FLVCR2: variants seen among roughly 807,000 people sequenced by gnomAD.
FLVCR2 encodes FLVCR choline and putative heme transporter 2.
A neutral mutation model predicts 48.9 loss-of-function variants in FLVCR2; 38 were observed. The observed-to-expected ratio is 0.78, with a 90% CI of 0.60 to 1.02. The LOEUF is 1.02. Among genes scored for constraint, FLVCR2 ranks in the 50% least tolerant of loss-of-function variants. The pLI, the probability that FLVCR2 is intolerant of heterozygous loss-of-function variation, is 0.00. For synonymous variants in FLVCR2, 255 were observed against 257.0 expected, an observed-to-expected ratio of 0.99 and a Z score of 0.07; for missense variants, 664 against 663.3, an observed-to-expected ratio of 1.00 and a Z score of -0.01.
In FLVCR2 at chr14:75,579,423, C is replaced by G; in HGVS notation, c.451C>G (p.Arg151Gly). ...VAWLLEKFGL[R>G]TIALTGSALN... ...TTGGCTGCTGGAGAAGTTCGGCCTG[C>G]GCACCATTGCTCTCACTGGCTCGGC... Residue 151 changes from arginine (R) to glycine (G), a missense_variant, in exon 1 of 10, where the codon CGC becomes GGC. Coordinates refer to ENST00000238667, the MANE Select transcript of FLVCR2 (RefSeq NM_017791.3). 1 of 1,614,022 alleles carries G rather than the reference C, an allele frequency of 6.2e-7. No individual in the cohort carries two copies. Among genetic ancestry groups the G allele is most frequent in the East Asian group, 2.2e-5 (1 of 44,892 alleles).
chr14:75,613,643 C>T lies in FLVCR2; in HGVS notation c.670-8436C>T, dbSNP rs576828245. ...TTGGCCCACTGCAACCTCTGCCTCC[C>T]GGGTTCAAGCGATTCTCCTGCCTCA... On this transcript the variant is annotated intron_variant, in intron 1 of 9. Coordinates refer to ENST00000238667, the MANE Select transcript of FLVCR2 (RefSeq NM_017791.3). 7.2e-5 allele frequency among the ~76,000 whole-genome samples: 11 copies of T among 152,198 alleles called. No homozygotes were observed. In the East Asian group the frequency reaches 1.5e-3, roughly 21 times the overall value.
At chr14:75,603,183 G>GA (rs1212568702) in intron 1 of FLVCR2, among the ~76,000 whole-genome samples, 29 of 152,226 alleles carry the variant, frequency 1.9e-4, no homozygotes, top group African/African-American at 7.0e-4. Context: ...CCTGGCGAGG[G>GA]CCCCACCCTC....
intron 6 of FLVCR2, among the ~76,000 whole-genome samples, chr14:75,640,358 T>A (rs1000419146): frequency 6.6e-6 from 1 of 152,170 alleles, no homozygotes; most frequent in Non-Finnish European, 1.5e-5. Context: ...GGAGTCTTTG[T>A]TCAGCTCTGC....
chr14:75,608,435 C>T (rs1280621565), intron 1 of FLVCR2, among the ~76,000 whole-genome samples: 2 of 152,156 alleles, frequency 1.3e-5, no homozygotes, highest in African/African-American at 2.4e-5. Context: ...AGGAGTGGCA[C>T]GATGCAACGT....
rs1705536636 is a variant in FLVCR2, at chr14:75,647,792, T to C, written c.*1320T>C. 6.5e-6 allele frequency: 1 copy of C among 152,712 alleles called. No individual in the cohort carries two copies. The highest frequency in any genetic ancestry group is 2.4e-5 in the African/African-American group (1 of 41,460). The allele number at this position is 152,712 out of a possible 1,614,324, so 9.5% of individuals were successfully genotyped here. A position where few individuals can be genotyped will look rare whatever the true frequency, so the allele number is the denominator to read the frequency against. ...TGCTGTCTTGCTCCAGCCACTGCCC[T>C]GGCCTCAGCATATCAGGGCAGCCTG... On this transcript the variant is annotated 3_prime_UTR_variant, in exon 10 of 10. Coordinates refer to ENST00000238667, the MANE Select transcript of FLVCR2 (RefSeq NM_017791.3).
At chr14:75,607,863 A>G (rs1889334378) in intron 1 of FLVCR2, among the ~76,000 whole-genome samples, 1 of 152,164 alleles carries the variant, frequency 6.6e-6, no homozygotes, top group Non-Finnish European at 1.5e-5. Flanking sequence ...ACTTGATGCC[A>G]GGAGTTTAAG....
intron 1 of FLVCR2, among the ~76,000 whole-genome samples, chr14:75,581,427 G>A (rs749654936): frequency 2.0e-5 from 3 of 151,754 alleles, no homozygotes; most frequent in Admixed American, 6.6e-5. Context: ...TTAAAAGACC[G>A]TTAGTCCATT....
chr14:75,614,652 A>T (rs1889561817), intron 1 of FLVCR2, among the ~76,000 whole-genome samples: 1 of 152,194 alleles, frequency 6.6e-6, no homozygotes. Context: ...GAAGGTTGAA[A>T]CTAGCAAAGA....
At chr14:75,616,211 C>G (rs1024259126) in intron 1 of FLVCR2, among the ~76,000 whole-genome samples, 1 of 151,364 alleles carries the variant, frequency 6.6e-6, no homozygotes, top group South Asian at 2.1e-4. Flanking sequence ...CCTGTAGTTC[C>G]AGCTACTTGG....
chr14:75,594,918 A>AGGC (rs1888980618), intron 1 of FLVCR2, among the ~76,000 whole-genome samples: 3 of 152,050 alleles, frequency 2.0e-5, no homozygotes, highest in African/African-American at 7.3e-5. Flanking sequence ...GGGTCTTGCT[A>AGGC]TGTTGTGCAG....
chr14:75,595,505 TCAGC>T (rs1566784580), intron 1 of FLVCR2, among the ~76,000 whole-genome samples: 2 of 152,236 alleles, frequency 1.3e-5, no homozygotes, highest in Non-Finnish European at 2.9e-5. Context: ...AAGTGTGTGG[TCAGC>T]CTAGTCTTGT....
chr14:75,638,724 G>A (rs1177483695), intron 5 of FLVCR2, among the ~76,000 whole-genome samples: 3 of 152,240 alleles, frequency 2.0e-5, no homozygotes, highest in Admixed American at 6.5e-5. Flanking sequence ...GACATGACAA[G>A]TCAAGGGGCA....
chr14:75,598,768 C>T (rs1889087922), intron 1 of FLVCR2, among the ~76,000 whole-genome samples: 1 of 152,248 alleles, frequency 6.6e-6, no homozygotes, highest in African/African-American at 2.4e-5. Flanking sequence ...GAGCTATCAC[C>T]CAGCGCATGC....
rs140968743 is a variant in FLVCR2 at position 75,638,616 on chromosome 14, C to T, written c.1125-736C>T. On this transcript the variant is annotated intron_variant, in intron 5 of 9. Coordinates refer to ENST00000238667, the MANE Select transcript of FLVCR2 (RefSeq NM_017791.3). Reference sequence around the variant, plus strand: ...CTTCTGGGGTAGTCCTGAATGTCACCGCCACCTCATCATGGCTGATGTTTG... The same window carrying T: ...CTTCTGGGGTAGTCCTGAATGTCACTGCCACCTCATCATGGCTGATGTTTG... Among the ~76,000 whole-genome samples the T allele has an allele frequency of 1.0e-3, 155 of 152,182 alleles. 1 individual carries two copies. Among genetic ancestry groups the T allele is most frequent in the Middle Eastern group, 3.4e-3 (1 of 294 alleles).
chr14:75,641,090 G>A (rs1003095251), intron 7 of FLVCR2, 30 bp downstream of exon 7: 19 of 1,589,192 alleles, frequency 1.2e-5, no homozygotes, highest in Non-Finnish European at 1.5e-5. Flanking sequence ...TTTGTTTCCT[G>A]GCTGGGAAGG....
chr14:75,584,608 C>A (rs776748666), intron 1 of FLVCR2, among the ~76,000 whole-genome samples: 7 of 152,194 alleles, frequency 4.6e-5, no homozygotes, highest in Non-Finnish European at 7.3e-5. Context: ...TCTCACCTAT[C>A]TATACCTGGG....
intron 1 of FLVCR2, among the ~76,000 whole-genome samples, chr14:75,621,597 T>C (rs1384898948): frequency 6.6e-6 from 1 of 152,186 alleles, no homozygotes; most frequent in Non-Finnish European, 1.5e-5. Flanking sequence ...TCCATGCTTG[T>C]AAATGTGGTA....
intron 5 of FLVCR2, among the ~76,000 whole-genome samples, chr14:75,638,409 C>T (rs971846492): frequency 9.2e-5 from 14 of 151,948 alleles, no homozygotes; most frequent in African/African-American, 3.4e-4. Flanking sequence ...TGCACCCCAG[C>T]CTGTGCGACA....
At chr14:75,590,129 G>A (rs75230911) in intron 1 of FLVCR2, among the ~76,000 whole-genome samples, 2,069 of 152,284 alleles carry the variant, frequency 0.014, 45 homozygotes, top group African/African-American at 0.047. Context: ...AGGGGAAGTG[G>A]ATGCATGTGA....
Sources: allele counts gnomAD v4.1 joint callset (sites outside exome capture counted in the v4.1 genomes callset), GRCh38; gene constraint gnomAD v4.1.1; transcripts MANE v1.5; gene names NCBI Gene and HGNC (gene_info 2026-07-23, HGNC 2026-07-21).